MPHOSPH9: variants seen among roughly 807,000 people sequenced by gnomAD.
MPHOSPH9 encodes M-phase phosphoprotein 9.
A neutral mutation model predicts 145.5 loss-of-function variants in MPHOSPH9; 88 were observed. That is an observed-to-expected ratio of 0.60 (90% CI 0.51 to 0.72). The LOEUF (loss-of-function observed/expected upper bound fraction) is 0.72. Ranked by LOEUF, MPHOSPH9 falls within the 30% of genes least tolerant of loss-of-function variation. The pLI is 0.00. For missense variants in MPHOSPH9, 1,238 were observed against 1,386.6 expected (o/e 0.89, Z 1.70); for synonymous variants, 435 against 486.2 (o/e 0.89, Z 1.39).
intron 3 of MPHOSPH9, among the ~76,000 whole-genome samples, chr12:123,225,242 AAGAC>A (rs775043798): frequency 0.046 from 7,036 of 151,624 alleles, 307 homozygotes; most frequent in East Asian, 0.27. Flanking sequence ...TCATGAGTTC[AAGAC>A]TAACCTGGGC....
chr12:123,228,165 G>T (rs1716172), intron 2 of MPHOSPH9, among the ~76,000 whole-genome samples: 97,195 of 152,042 alleles, frequency 0.64, 35,581 homozygotes, highest in East Asian at 1. Context: ...ACAGCACTGA[G>T]TTTTTCCAGG....
chr12:123,161,381 T>C lies in MPHOSPH9; in HGVS notation c.3136A>G (p.Lys1046Glu). The change falls in exon 22 of 24, where the codon AAA (lysine) becomes GAA (glutamate). Residue 1046 changes from lysine to glutamate, a missense_variant and splice_region_variant. Physicochemically the swap from Lys to Glu is moderately conservative, Grantham distance 56. Coordinates refer to ENST00000606320, the MANE Select transcript of MPHOSPH9 (RefSeq NM_022782.4). ...TCGGTGGCTTTCTCAGAATAAGTTT[T>C]TTCTGTCAGAGAGGAGAGAAATTGC... is the stretch of plus-strand genomic sequence containing the variant. ...QFLPLDDSEE[K>E]TYSEKATDNH... The C allele has an allele frequency of 6.2e-7, 1 of 1,614,006 alleles. No homozygotes were observed. The highest frequency in any genetic ancestry group is 8.5e-7 in the Non-Finnish European group (1 of 1,179,940).
At chr12:123,234,249 A>G (rs549589982), upstream of MPHOSPH9, among the ~76,000 whole-genome samples, 1 of 152,174 alleles carries the variant, frequency 6.6e-6, no homozygotes, top group Non-Finnish European at 1.5e-5. Context: ...GCTCACAGTA[A>G]AGGGACTTCC....
chr12:123,225,761 C>T (rs2047415690), intron 3 of MPHOSPH9, among the ~76,000 whole-genome samples: 1 of 152,128 alleles, frequency 6.6e-6, no homozygotes. Context: ...AAGGGCTAGC[C>T]ACGGTGGCTC....
At chr12:123,162,012 T>TAAA in intron 21 of MPHOSPH9, 103 bp downstream of exon 21, 2 of 659,848 alleles carry the variant, frequency 3.0e-6, no homozygotes, top group Non-Finnish European at 4.7e-6. Context: ...AGTGGGAAAA[T>TAAA]ATTTAAGTGC....
chr12:123,175,087 G>A (rs2044775162), intron 16 of MPHOSPH9, among the ~76,000 whole-genome samples: 1 of 151,740 alleles, frequency 6.6e-6, no homozygotes, highest in African/African-American at 2.4e-5. Flanking sequence ...ATAAAAATTA[G>A]ATAACATCAT....
intron 13 of MPHOSPH9, among the ~76,000 whole-genome samples, chr12:123,187,754 T>G (rs182512031): frequency 1.8e-3 from 272 of 152,292 alleles, no homozygotes; most frequent in Admixed American, 3.0e-3. Context: ...TATTTAAAAA[T>G]GATTCTGGGA....
At chr12:123,187,000 T>C (rs1309406861) in intron 13 of MPHOSPH9, among the ~76,000 whole-genome samples, 1 of 152,152 alleles carries the variant, frequency 6.6e-6, no homozygotes, top group African/African-American at 2.4e-5. Context: ...GGCTCTCGCC[T>C]GTAATCCCAG....
At chr12:123,215,388 G>A (rs2046913935) in intron 6 of MPHOSPH9, among the ~76,000 whole-genome samples, 1 of 152,060 alleles carries the variant, frequency 6.6e-6, no homozygotes, top group South Asian at 2.1e-4. Flanking sequence ...AAAAATGGGG[G>A]CAGGTATTAT....
Position 123,163,242 on chromosome 12 carries a change from C to T in MPHOSPH9, c.2909-108G>A, listed in dbSNP as rs570388319. The T allele has an allele frequency of 3.3e-5, 39 of 1,195,940 alleles. No homozygotes were observed. The African/African-American group carries it at 5.3e-4, about 16-fold the overall frequency. The allele number at this position is 1,195,940 out of a possible 1,614,324, so 74.1% of individuals were successfully genotyped here. On this transcript the variant is annotated intron_variant, in intron 19 of 23. Transcript: ENST00000606320. ...AATTTTGAAAGGAATATAATTTCAA[C>T]GTAAAACTTTGAGAGAGAAATAAGA...
chr12:123,196,167 T>C (rs1185489593), intron 12 of MPHOSPH9, among the ~76,000 whole-genome samples: 1 of 152,018 alleles, frequency 6.6e-6, no homozygotes, highest in Admixed American at 6.6e-5. Context: ...CTGGCCAACA[T>C]AGTGAAATCC....
In MPHOSPH9 at chr12:123,164,099, G is replaced by C; in HGVS notation, c.2768-9C>G. 1 of 1,612,488 alleles carries C rather than the reference G, an allele frequency of 6.2e-7. No individual in the cohort carries two copies. Among genetic ancestry groups the C allele is most frequent in the Non-Finnish European group, 8.5e-7 (1 of 1,179,524 alleles). On this transcript the variant is annotated splice_polypyrimidine_tract_variant and intron_variant, in intron 18 of 23. Coordinates refer to ENST00000606320, the MANE Select transcript of MPHOSPH9 (RefSeq NM_022782.4). Reference sequence around the variant, plus strand: ...AGTTTGCCGAGGATTTACTACAGCAGACCAAAAAAAAGCAAAACAAAAAAC... The same window carrying C: ...AGTTTGCCGAGGATTTACTACAGCACACCAAAAAAAAGCAAAACAAAAAAC...
Position 123,230,380 on chromosome 12 carries a change from T to C in MPHOSPH9, c.-16A>G. 1 of 1,412,974 alleles carries C rather than the reference T, an allele frequency of 7.1e-7. No homozygotes were observed. Among genetic ancestry groups the C allele is most frequent in the Non-Finnish European group, 9.5e-7 (1 of 1,048,430 alleles). The allele number at this position is 1,412,974 out of a possible 1,614,324, so 87.5% of individuals were successfully genotyped here. On this transcript the variant is annotated 5_prime_UTR_variant, in exon 2 of 24. It removes the in-frame stop codon of an upstream open reading frame in the 5' UTR. Coordinates refer to ENST00000606320, the MANE Select transcript of MPHOSPH9 (RefSeq NM_022782.4). ...ACTCTTCCATAGTGTACAGAAATTG[T>C]TATATTCTCTTATTGGAAAATAAAG...
chr12:123,209,901 T>G (rs1330782690), intron 8 of MPHOSPH9, among the ~76,000 whole-genome samples, 155 bp downstream of exon 8: 2 of 151,840 alleles, frequency 1.3e-5, no homozygotes, highest in Non-Finnish European at 2.9e-5. Context: ...CACGCCCAGC[T>G]AATTTTTTGT....
At chr12:123,182,626 G>C (rs888047653) in intron 13 of MPHOSPH9, among the ~76,000 whole-genome samples, 2 of 151,592 alleles carry the variant, frequency 1.3e-5, no homozygotes, top group South Asian at 4.2e-4. Context: ...ATATATATAT[G>C]TGAGGCTGGG....
intron 13 of MPHOSPH9, among the ~76,000 whole-genome samples, chr12:123,188,158 T>C (rs532610182): frequency 6.6e-6 from 1 of 152,164 alleles, no homozygotes; most frequent in South Asian, 2.1e-4. Flanking sequence ...ACCCAAAACT[T>C]GTATCCCATA....
At position 123,208,768 on chromosome 12, in the gene MPHOSPH9, G is replaced by T. The variant is rs991369148; in HGVS notation, c.1194+1288C>A. Among the ~76,000 whole-genome samples the T allele has an allele frequency of 1.6e-4, 24 of 151,788 alleles. No homozygotes were observed. The East Asian group carries it at 4.1e-3, about 26-fold the overall frequency. ...TTTTTTTTTCCCTTTTTGAGACAGGGTCTCACTCTGTCACACAGGCTAGAG... is the reference window on the plus strand; with the variant it reads ...TTTTTTTTTCCCTTTTTGAGACAGGTTCTCACTCTGTCACACAGGCTAGAG... On this transcript the variant is annotated intron_variant, in intron 8 of 23. Transcript: ENST00000606320.
chr12:123,196,107 T>C (rs1266278136), intron 12 of MPHOSPH9, among the ~76,000 whole-genome samples: 2 of 151,540 alleles, frequency 1.3e-5, no homozygotes, highest in Non-Finnish European at 2.9e-5. Context: ...CCCAGCACTT[T>C]GGGAGGCCGA....
intron 13 of MPHOSPH9, among the ~76,000 whole-genome samples, chr12:123,182,157 T>C (rs1200937146): frequency 6.6e-6 from 1 of 151,644 alleles, no homozygotes; most frequent in Non-Finnish European, 1.5e-5. Context: ...GCCAGGATGG[T>C]CTTGATCTCT....
Sources: allele counts gnomAD v4.1 joint callset (sites outside exome capture counted in the v4.1 genomes callset), GRCh38; gene constraint gnomAD v4.1.1; transcripts MANE v1.5; gene names NCBI Gene and HGNC (gene_info 2026-07-23, HGNC 2026-07-21).